TVP23A: variants seen among roughly 807,000 people sequenced by gnomAD.
TVP23A encodes trans-golgi network vesicle protein 23 homolog A, also known as Golgi apparatus membrane protein TVP23 homolog A.
In TVP23A, 21 loss-of-function variants were observed where a neutral mutation model predicts 31.7. The ratio of observed to expected loss-of-function variants is 0.66; its 90% CI spans 0.47 to 0.95. The LOEUF (loss-of-function observed/expected upper bound fraction) is 0.95, where lower values mean the gene tolerates loss of function less well. Among genes scored for constraint, TVP23A ranks in the 40% least tolerant of loss-of-function variants. The pLI is 0.00. For missense variants in TVP23A, 279 were observed against 255.6 expected, an observed-to-expected ratio of 1.09 and a Z score of -0.62; for synonymous variants, 104 against 96.0, an observed-to-expected ratio of 1.08 and a Z score of -0.49.
chr16:10,776,961 G>C (rs1270132109), intron 2 of TVP23A, among the ~76,000 whole-genome samples: 2 of 152,126 alleles, frequency 1.3e-5, no homozygotes, highest in Non-Finnish European at 2.9e-5. Context: ...CTTTTTTACT[G>C]CAACCTGTTT....
rs1312253236 is a variant in TVP23A at position 10,767,140 on chromosome 16, G to A, written c.*1962C>T. 7.5e-6 allele frequency: 3 copies of A among 398,736 alleles called. No homozygotes were observed. Among genetic ancestry groups the A allele is most frequent in the African/African-American group, 4.1e-5 (2 of 48,630 alleles). The allele number at this position is 398,736 out of a possible 1,614,324, so 24.7% of individuals were successfully genotyped here. A position where few individuals can be genotyped will look rare whatever the true frequency, so the allele number is the denominator to read the frequency against. On this transcript the variant is annotated 3_prime_UTR_variant, in exon 8 of 8. Coordinates refer to ENST00000299866, the MANE Select transcript of TVP23A (RefSeq NM_001079512.4). The surrounding 1 kb of genome is among the most constrained non-coding windows in gnomAD (Gnocchi z 4.6). ...GGCAGTGCAGTCACTTGCCTGTTTC[G>A]CCAGCAGCTCAGGCCTGGGGAGTGG...
At chr16:10,775,923 A>G (rs1367957565) in intron 2 of TVP23A, among the ~76,000 whole-genome samples, 1 of 149,750 alleles carries the variant, frequency 6.7e-6, no homozygotes, top group Non-Finnish European at 1.5e-5. Context: ...TAATTTTTGT[A>G]CTTTGAGTAG....
At chr16:10,783,547 G>A (rs1004643736) in intron 2 of TVP23A, among the ~76,000 whole-genome samples, 5 of 151,934 alleles carry the variant, frequency 3.3e-5, no homozygotes, top group African/African-American at 7.3e-5. Context: ...GTGGTGGCGC[G>A]TACCTGTAGT....
chr16:10,758,060 A>G (rs767345667), downstream of TVP23A: 3 of 1,604,052 alleles, frequency 1.9e-6, no homozygotes, highest in South Asian at 3.3e-5. Flanking sequence ...CTGGGTCCAA[A>G]CTGTGCTCCA....
intron 2 of TVP23A, among the ~76,000 whole-genome samples, chr16:10,808,193 T>G (rs553428099): frequency 1.3e-5 from 2 of 152,358 alleles, no homozygotes; most frequent in African/African-American, 4.8e-5. Flanking sequence ...TAGTAAGTGC[T>G]GGGGAAGTGT....
At chr16:10,776,185 G>A (rs1277771481) in intron 2 of TVP23A, among the ~76,000 whole-genome samples, 1 of 150,548 alleles carries the variant, frequency 6.6e-6, no homozygotes, top group Admixed American at 6.6e-5. Flanking sequence ...GACCAGCCTG[G>A]CCAACATGGT....
In TVP23A at chr16:10,775,043, G is replaced by A; in HGVS notation, c.143C>T (p.Thr48Ile). 1.2e-6 allele frequency: 2 copies of A among 1,612,234 alleles called. No homozygotes were observed. The highest frequency in any genetic ancestry group is 1.7e-6 in the Non-Finnish European group (2 of 1,179,090). ...GCTGAACCAGTCGCAGCTCACGTAG[G>A]TGACGATGGCACTCACTCGGAAAAA... The part of the protein sequence containing the change: ...HLFFRVSAIV[T>I]YVSCDWFSKS... The change falls in exon 3 of 8, where the codon ACC (threonine) becomes ATC (isoleucine). Residue 48 changes from threonine to isoleucine, a missense_variant. Thr to Ile is a moderately conservative substitution (Grantham distance 89). Transcript: ENST00000299866.
downstream of TVP23A, chr16:10,766,143 G>A (rs2030843463): frequency 6.6e-6 from 1 of 152,476 alleles, no homozygotes. The surrounding 1 kb of genome is among the most constrained non-coding windows in gnomAD (Gnocchi z 4.8). Flanking sequence ...ATGGGTCCTG[G>A]TCCCGGTGTG....
chr16:10,768,185 C>A lies in TVP23A; in HGVS notation c.*917G>T, dbSNP rs914028947. 5 of 603,834 alleles carry A rather than the reference C, an allele frequency of 8.3e-6. No individual in the cohort carries two copies. The African/African-American group carries it at 9.3e-5, about 11-fold the overall frequency. The allele number at this position is 603,834 out of a possible 1,614,324, so 37.4% of individuals were successfully genotyped here. The stretch of plus-strand genomic sequence containing the variant: ...AGGAAGCCAGGAGTCCATGAGAAAT[C>A]TCTCAATGTGTGAGTATTGTGAATT... On this transcript the variant is annotated 3_prime_UTR_variant, in exon 8 of 8. Coordinates refer to ENST00000299866, the MANE Select transcript of TVP23A (RefSeq NM_001079512.4). The surrounding 1 kb of genome is among the most constrained non-coding windows in gnomAD (Gnocchi z 4.3).
chr16:10,784,741 G>A (rs989609413), intron 2 of TVP23A, among the ~76,000 whole-genome samples: 1 of 152,186 alleles, frequency 6.6e-6, no homozygotes, highest in African/African-American at 2.4e-5. Context: ...TGGGGGAGAA[G>A]GGGAGTATAT....
rs922837582 is a variant in TVP23A, at chr16:10,766,823, A to G, written c.*2279T>C. On this transcript the variant is annotated 3_prime_UTR_variant, in exon 8 of 8. Transcript: ENST00000299866. This position sits in a 1 kb window ranked among gnomAD's most constrained non-coding sequence, Gnocchi z 4.8. ...ACTTGAGGTACGCCCTATATAAACGAAAAGGATGAAGTAAAGTTACAAAGT... is the reference window on the plus strand; with the variant it reads ...ACTTGAGGTACGCCCTATATAAACGGAAAGGATGAAGTAAAGTTACAAAGT... The G allele has an allele frequency of 2.3e-5, 9 of 397,638 alleles. No homozygotes were observed. The highest frequency in any genetic ancestry group is 6.2e-4 in the Middle Eastern group (1 of 1,610). 24.6% of individuals were successfully genotyped at this position (397,638 alleles called of 1,614,324 possible).
rs768873957 is a variant in TVP23A at position 10,771,667 on chromosome 16, C to T, written c.582+3G>A. ...GTCCAAGAGTCAGACCTCAGTTACT[C>T]ACCGTCTGGAACACTGTCTGGGACA... On this transcript the variant is annotated splice_donor_region_variant and intron_variant, in intron 6 of 7. Transcript: ENST00000299866. 5 of 1,613,858 alleles carry T rather than the reference C, an allele frequency of 3.1e-6. No individual in the cohort carries two copies. Among genetic ancestry groups the T allele is most frequent in the Non-Finnish European group, 4.2e-6 (5 of 1,179,830 alleles).
chr16:10,773,256 C>A, intron 5 of TVP23A, 57 bp downstream of exon 5: 1 of 1,538,396 alleles, frequency 6.5e-7, no homozygotes, highest in South Asian at 1.3e-5. Context: ...CCTAGTGGTG[C>A]AAACACTTTT....
chr16:10,771,679 C>T lies in TVP23A; in HGVS notation c.573G>A (p.Val191=). The stretch of plus-strand genomic sequence containing the variant: ...GACCTCAGTTACTCACCGTCTGGAA[C>T]ACTGTCTGGGACAGGAAACTGGCTG... ...KVTASFLSQT[V]FQTACPGDFQ... Residue 191 remains valine, a synonymous_variant, in exon 6 of 8, where the codon GTG becomes GTA. Transcript: ENST00000299866. 1 of 1,613,886 alleles carries T rather than the reference C, an allele frequency of 6.2e-7. No homozygotes were observed.
intron 2 of TVP23A, among the ~76,000 whole-genome samples, chr16:10,797,045 C>T (rs1020608973): frequency 1.5e-5 from 2 of 135,320 alleles, no homozygotes; most frequent in East Asian, 5.3e-4. Flanking sequence ...AAACAATTAG[C>T]CAGGCGTGGT....
chr16:10,774,879 C>G, intron 3 of TVP23A, 73 bp downstream of exon 3: 1 of 1,395,280 alleles, frequency 7.2e-7, no homozygotes, highest in African/African-American at 1.4e-5. Flanking sequence ...AACCAAAGTA[C>G]CTCTTGGTAC....
downstream of TVP23A, chr16:10,763,866 G>A (rs370477176): frequency 1.4e-3 from 238 of 166,438 alleles, 7 homozygotes; most frequent in South Asian, 0.028. Flanking sequence ...GAGTATCTCA[G>A]CCCCTGGAAG....
rs1191606187 is a variant in TVP23A at position 10,768,693 on chromosome 16, G to A, written c.*409C>T. On this transcript the variant is annotated 3_prime_UTR_variant, in exon 8 of 8. Coordinates refer to ENST00000299866, the MANE Select transcript of TVP23A (RefSeq NM_001079512.4). This position sits in a 1 kb window ranked among gnomAD's most constrained non-coding sequence, Gnocchi z 4.3. ...CATTCAGCCAGTGGCAGCCATCAGA[G>A]GCCCCAGAGTTAGGGCAGAGGTGTC... 9.0e-6 allele frequency: 2 copies of A among 222,938 alleles called. No homozygotes were observed. The highest frequency in any genetic ancestry group is 2.3e-5 in the African/African-American group (1 of 43,846). 13.8% of individuals were successfully genotyped at this position (222,938 alleles called of 1,614,324 possible). A position where few individuals can be genotyped will look rare whatever the true frequency, so the allele number is the denominator to read the frequency against.
chr16:10,780,967 G>A (rs1161821264), intron 2 of TVP23A, among the ~76,000 whole-genome samples: 1 of 152,040 alleles, frequency 6.6e-6, no homozygotes, highest in African/African-American at 2.4e-5. Context: ...CCTTCATCAT[G>A]TTCAACTTGA....
Sources: allele counts gnomAD v4.1 joint callset (sites outside exome capture counted in the v4.1 genomes callset), GRCh38; gene constraint gnomAD v4.1.1; non-coding constraint Gnocchi (gnomAD v3.1); transcripts MANE v1.5; gene names NCBI Gene and HGNC (gene_info 2026-07-23, HGNC 2026-07-21).